PPHLN1: variants seen among roughly 807,000 people sequenced by gnomAD.
The protein encoded by PPHLN1 is periphilin-1.
PPHLN1 carries 29 observed loss-of-function variants against 51.3 expected under a neutral mutation model. The ratio of observed to expected loss-of-function variants is 0.57; its 90% CI spans 0.42 to 0.77. PPHLN1 has a LOEUF of 0.77. PPHLN1 is among the 30% of genes least tolerant of loss of function. The pLI is 0.00. For missense variants in PPHLN1, 436 were observed against 438.4 expected (o/e 0.99, Z 0.05); for synonymous variants, 147 against 147.8 (o/e 0.99, Z 0.04).
At chr12:42,439,519 T>A (rs922312566) in intron 9 of PPHLN1, among the ~76,000 whole-genome samples, 1 of 152,232 alleles carries the variant, frequency 6.6e-6, no homozygotes, top group African/African-American at 2.4e-5. Context: ...TTTGTTTTCT[T>A]GTTTGTTTGT....
intron 5 of PPHLN1, among the ~76,000 whole-genome samples, chr12:42,379,087 A>G (rs2076547047): frequency 6.6e-6 from 1 of 151,796 alleles, no homozygotes; most frequent in Non-Finnish European, 1.5e-5. Flanking sequence ...ATATCTCCAC[A>G]TTTGTCAATT....
chr12:42,333,704 G>T (rs552674150), intron 1 of PPHLN1, among the ~76,000 whole-genome samples: 2 of 152,092 alleles, frequency 1.3e-5, no homozygotes, highest in African/African-American at 4.8e-5. Flanking sequence ...GGATGGTCTC[G>T]ATCTCCTGAC....
Position 42,442,158 on chromosome 12 carries a change from C to A in PPHLN1, c.*649C>A. 4.9e-6 allele frequency: 1 copy of A among 202,714 alleles called. No individual in the cohort carries two copies. Among genetic ancestry groups the A allele is most frequent in the Non-Finnish European group, 8.8e-6 (1 of 114,174 alleles). The allele number at this position is 202,714 out of a possible 1,614,324, so 12.6% of individuals were successfully genotyped here. A position where few individuals can be genotyped will look rare whatever the true frequency, so the allele number is the denominator to read the frequency against. ...ATACAAGACTAATAAATAGAAGATG[C>A]AGTTTGAGGTGGAAGGTGAGGGATA... On this transcript the variant is annotated 3_prime_UTR_variant, in exon 10 of 10. Transcript: ENST00000358314.
intron 9 of PPHLN1, chr12:42,399,954 A>C (rs1358674949): frequency 6.6e-6 from 1 of 152,170 alleles, no homozygotes; most frequent in African/African-American, 2.4e-5. Context: ...ATTAAATGAG[A>C]GCATAAGTAA....
intron 1 of PPHLN1, chr12:42,332,746 AT>A: frequency 1.7e-6 from 2 of 1,207,520 alleles, no homozygotes; most frequent in South Asian, 1.4e-5. Context: ...TTATTGTTAC[AT>A]TTTTTGTGGG....
rs1555219787 is a variant in PPHLN1 at position 42,425,038 on chromosome 12, T to TTATTTTATG, written c.910-16274_910-16273insTTTATGTAT. 5.6e-4 allele frequency among the ~76,000 whole-genome samples: 76 copies of TTATTTTATG among 136,866 alleles called. 1 individual carries two copies. Among genetic ancestry groups the TTATTTTATG allele is most frequent in the Non-Finnish European group, 1.7e-4 (11 of 63,584 alleles). 89.8% of individuals were successfully genotyped at this position (136,866 alleles called of 152,430 possible). ...CTCAGGTTTTTATTTTTATTTTATT[T>TTATTTTATG]TATGTATGTATGTATGTATGTATGT... On this transcript the variant is annotated intron_variant, in intron 9 of 9. Coordinates refer to ENST00000358314, the MANE Select transcript of PPHLN1 (RefSeq NM_201439.2).
At chr12:42,334,286 T>C (rs1592171391) in intron 1 of PPHLN1, among the ~76,000 whole-genome samples, 2 of 152,342 alleles carry the variant, frequency 1.3e-5, no homozygotes, top group East Asian at 3.9e-4. Context: ...AAAGCTAATT[T>C]TTTTCTCTTG....
intron 9 of PPHLN1, among the ~76,000 whole-genome samples, chr12:42,436,301 C>T (rs1189252501): frequency 6.6e-6 from 1 of 152,206 alleles, no homozygotes; most frequent in Non-Finnish European, 1.5e-5. Context: ...ATTCATTCAA[C>T]ATTTACTGGG....
chr12:42,366,236 T>TC (rs2075259830), intron 4 of PPHLN1, among the ~76,000 whole-genome samples: 2 of 148,852 alleles, frequency 1.3e-5, no homozygotes, highest in African/African-American at 5.0e-5. Flanking sequence ...TTTTTTTTTT[T>TC]TTTTTTTTTG....
intron 7 of PPHLN1, among the ~76,000 whole-genome samples, chr12:42,389,067 T>C (rs530655612): frequency 1.8e-4 from 28 of 152,166 alleles, no homozygotes; most frequent in Admixed American, 1.8e-3. Flanking sequence ...TGAAGCCGTG[T>C]CTCTACTAAA....
At chr12:42,431,765 A>G (rs1294137502) in intron 9 of PPHLN1, 2 of 1,039,150 alleles carry the variant, frequency 1.9e-6, no homozygotes, top group African/African-American at 3.1e-5. Flanking sequence ...TAGAAATGTC[A>G]TTGCCAGAAG....
chr12:42,350,647 C>A (rs934008035), intron 2 of PPHLN1, among the ~76,000 whole-genome samples: 3 of 152,162 alleles, frequency 2.0e-5, no homozygotes, highest in African/African-American at 7.2e-5. Flanking sequence ...GAGCGGAGAT[C>A]ACGCCACTGC....
intron 8 of PPHLN1, among the ~76,000 whole-genome samples, chr12:42,395,476 C>A (rs1264023087): frequency 6.6e-6 from 1 of 152,088 alleles, no homozygotes; most frequent in Non-Finnish European, 1.5e-5. Flanking sequence ...AGTCCCATAT[C>A]ATATTAATAT....
rs1139095 is a variant in PPHLN1 at position 42,441,725 on chromosome 12, G to A, written c.*216G>A. 98,768 of 1,190,416 alleles carry A rather than the reference G, an allele frequency of 0.083. 4,664 individuals are homozygous for A. The highest frequency in any genetic ancestry group is 0.17 in the African/African-American group (10,689 of 63,222). 73.7% of individuals were successfully genotyped at this position (1,190,416 alleles called of 1,614,324 possible). A position where few individuals can be genotyped will look rare whatever the true frequency, so the allele number is the denominator to read the frequency against. On this transcript the variant is annotated 3_prime_UTR_variant, in exon 10 of 10. Coordinates refer to ENST00000358314, the MANE Select transcript of PPHLN1 (RefSeq NM_201439.2). ...TTGTAGAGATGGGGTTCACCATGTT[G>A]GCCAGGCTAGTCTCTAACTCCTGGC...
chr12:42,386,078 C>T (rs955467283), intron 6 of PPHLN1, among the ~76,000 whole-genome samples: 15 of 152,308 alleles, frequency 9.8e-5, no homozygotes, highest in East Asian at 9.7e-4. Context: ...AGGGCTGTAT[C>T]GTTCTAAAGC....
intron 9 of PPHLN1, among the ~76,000 whole-genome samples, chr12:42,406,085 G>T (rs2079268851): frequency 1.7e-5 from 2 of 120,828 alleles, no homozygotes; most frequent in Admixed American, 8.6e-5. Context: ...AGTTTAGTCT[G>T]GTTTTTTTTT....
At chr12:42,413,522 GTATA>G (rs201793537) in intron 9 of PPHLN1, among the ~76,000 whole-genome samples, 65 of 131,742 alleles carry the variant, frequency 4.9e-4, no homozygotes, top group African/African-American at 1.8e-3. Context: ...CTATATATAT[GTATA>G]TGTGTGTGTG....
intron 9 of PPHLN1, among the ~76,000 whole-genome samples, chr12:42,409,817 T>G (rs555653209): frequency 6.6e-6 from 1 of 152,260 alleles, no homozygotes; most frequent in Admixed American, 6.5e-5. Context: ...ATCTATTATG[T>G]GTCTGTTTTC....
At chr12:42,432,192 C>T in intron 9 of PPHLN1, 2 of 827,850 alleles carry the variant, frequency 2.4e-6, no homozygotes, top group Non-Finnish European at 4.3e-6. Flanking sequence ...TTGTCTTTAC[C>T]CTCAGATTCT....
Sources: allele counts gnomAD v4.1 joint callset (sites outside exome capture counted in the v4.1 genomes callset), GRCh38; gene constraint gnomAD v4.1.1; transcripts MANE v1.5; gene names NCBI Gene and HGNC (gene_info 2026-07-23, HGNC 2026-07-21).